Variants in SNTG1 observed in about 807,000 individuals in gnomAD.
SNTG1 encodes the protein syntrophin gamma 1.
A neutral mutation model predicts 74.7 loss-of-function variants in SNTG1; 39 were observed. That is an observed-to-expected ratio of 0.52 (90% CI 0.40 to 0.68). The LOEUF (loss-of-function observed/expected upper bound fraction) is 0.68. Ranked by LOEUF, SNTG1 falls within the 30% of genes least tolerant of loss-of-function variation. The pLI, the probability that SNTG1 is intolerant of heterozygous loss-of-function variation, is 0.00. For synonymous variants in SNTG1, 254 were observed against 217.1 expected (o/e 1.17, Z -1.49); for missense variants, 685 against 609.5 (o/e 1.12, Z -1.30).
At chr8:49,996,438 T>C (rs1286254637) in intron 1 of SNTG1, among the ~76,000 whole-genome samples, 2 of 152,112 alleles carry the variant, frequency 1.3e-5, no homozygotes, top group Admixed American at 6.6e-5. Context: ...TCATTCTCCA[T>C]GTCCTTGCCT....
intron 2 of SNTG1, among the ~76,000 whole-genome samples, chr8:50,332,795 A>G (rs1220405369): frequency 6.6e-6 from 1 of 152,182 alleles, no homozygotes; most frequent in Non-Finnish European, 1.5e-5. Flanking sequence ...AGCATGTGAG[A>G]GTGTTTGAAG....
chr8:50,778,604 C>A, intron 18 of SNTG1, among the ~76,000 whole-genome samples: 1 of 151,496 alleles, frequency 6.6e-6, no homozygotes, highest in Non-Finnish European at 1.5e-5. Flanking sequence ...TGGATATTAG[C>A]CCTCTGTCAG....
rs10090468 is a variant in SNTG1 at position 50,435,968 on chromosome 8, C to T, written c.163-2575C>T. Reference sequence around the variant, plus strand: ...AAAGAAACGGTTTTTGAGGACCCTGCGATGCTTGTTGTTTCTGTCAAAGGA... The same window carrying T: ...AAAGAAACGGTTTTTGAGGACCCTGTGATGCTTGTTGTTTCTGTCAAAGGA... On this transcript the variant is annotated intron_variant, in intron 4 of 18. Transcript: ENST00000642720. 6.6e-5 allele frequency among the ~76,000 whole-genome samples: 10 copies of T among 151,898 alleles called. No homozygotes were observed. The East Asian group carries it at 1.4e-3, about 21-fold the overall frequency.
At chr8:50,428,457 C>T (rs1412891638) in intron 4 of SNTG1, among the ~76,000 whole-genome samples, 1 of 152,200 alleles carries the variant, frequency 6.6e-6, no homozygotes, top group Non-Finnish European at 1.5e-5. Flanking sequence ...GTTTATATTA[C>T]AGATGCATAT....
intron 12 of SNTG1, among the ~76,000 whole-genome samples, chr8:50,559,806 A>G (rs1453292834): frequency 6.6e-6 from 1 of 152,208 alleles, no homozygotes; most frequent in Non-Finnish European, 1.5e-5. Flanking sequence ...TTCAGTACAT[A>G]GCCATGGACA....
At chr8:50,589,291 A>G (rs555532110) in intron 12 of SNTG1, among the ~76,000 whole-genome samples, 2 of 152,280 alleles carry the variant, frequency 1.3e-5, no homozygotes, top group East Asian at 3.9e-4. Context: ...ATAATATAAC[A>G]ATTCCTCACA....
chr8:50,019,958 A>G (rs1349001859), intron 1 of SNTG1, among the ~76,000 whole-genome samples: 1 of 152,160 alleles, frequency 6.6e-6, no homozygotes. Flanking sequence ...TAATCTTTCC[A>G]AAGTTATTAA....
At chr8:50,204,623 G>C (rs1030075328) in intron 2 of SNTG1, among the ~76,000 whole-genome samples, 4 of 152,010 alleles carry the variant, frequency 2.6e-5, no homozygotes, top group Non-Finnish European at 5.9e-5. Context: ...ACAACATGCA[G>C]GTTTGTTACA....
At chr8:50,678,480 A>G (rs1006266643) in intron 15 of SNTG1, among the ~76,000 whole-genome samples, 4 of 152,104 alleles carry the variant, frequency 2.6e-5, no homozygotes, top group African/African-American at 9.7e-5. Flanking sequence ...AATGTTTACA[A>G]GTGTGTCAAC....
intron 18 of SNTG1, among the ~76,000 whole-genome samples, chr8:50,787,500 T>C (rs556116485): frequency 6.6e-6 from 1 of 152,002 alleles, no homozygotes; most frequent in Non-Finnish European, 1.5e-5. Context: ...TCTAGATATA[T>C]TCAAGAGCAA....
intron 8 of SNTG1, among the ~76,000 whole-genome samples, chr8:50,451,250 G>A (rs1391374194): frequency 6.6e-6 from 1 of 152,128 alleles, no homozygotes; most frequent in Non-Finnish European, 1.5e-5. Flanking sequence ...CATTATATTA[G>A]ATATTGCAAG....
intron 1 of SNTG1, among the ~76,000 whole-genome samples, 199 bp downstream of exon 1, chr8:49,912,430 T>C (rs1805659552): frequency 6.6e-6 from 1 of 152,204 alleles, no homozygotes; most frequent in African/African-American, 2.4e-5. Context: ...ATAATTACAG[T>C]AAACTTTTAG....
intron 1 of SNTG1, among the ~76,000 whole-genome samples, chr8:49,985,419 C>T (rs1442408217): frequency 6.6e-6 from 1 of 150,884 alleles, no homozygotes; most frequent in East Asian, 2.0e-4. Flanking sequence ...CATGAGCCAC[C>T]GCACCGAGCC....
chr8:50,593,453 A>T (rs890138961), intron 13 of SNTG1, among the ~76,000 whole-genome samples: 7 of 152,166 alleles, frequency 4.6e-5, no homozygotes, highest in African/African-American at 1.7e-4. Flanking sequence ...TTTTTTAAAT[A>T]AAGAAATCAA....
At chr8:50,327,448 T>C (rs542173627) in intron 2 of SNTG1, among the ~76,000 whole-genome samples, 4 of 152,166 alleles carry the variant, frequency 2.6e-5, no homozygotes, top group African/African-American at 4.8e-5. Context: ...TGCTTTTTAG[T>C]CTGCTGTCTC....
chr8:50,582,484 A>G (rs893308383), intron 12 of SNTG1, among the ~76,000 whole-genome samples: 11 of 152,172 alleles, frequency 7.2e-5, no homozygotes, highest in African/African-American at 2.7e-4. Flanking sequence ...CTGATAGTAT[A>G]GAGGAAATAA....
chr8:50,681,511 T>C (rs988872650), intron 15 of SNTG1, among the ~76,000 whole-genome samples: 6 of 152,318 alleles, frequency 3.9e-5, no homozygotes, highest in Non-Finnish European at 7.3e-5. Flanking sequence ...TATTTGTAGT[T>C]CTTATACATA....
At chr8:50,500,948 A>G (rs893009039) in intron 8 of SNTG1, among the ~76,000 whole-genome samples, 2 of 152,056 alleles carry the variant, frequency 1.3e-5, no homozygotes, top group African/African-American at 4.8e-5. Context: ...TGGTGTCTCT[A>G]GGCAGAGGAG....
intron 5 of SNTG1, among the ~76,000 whole-genome samples, chr8:50,441,118 C>T (rs1489118615): frequency 6.6e-6 from 1 of 152,076 alleles, no homozygotes; most frequent in African/African-American, 2.4e-5. Flanking sequence ...TGTGGTGGGG[C>T]TTCTTATGTA....
Sources: gnomAD v4.1 joint callset for allele counts (sites outside exome capture counted in the v4.1 genomes callset) on GRCh38, gnomAD v4.1.1 for gene constraint, MANE v1.5 for transcripts, NCBI Gene and HGNC (gene_info 2026-07-23, HGNC 2026-07-21) for gene names.